Variants in PTPRC observed in about 807,000 individuals in gnomAD.
PTPRC encodes the protein receptor-type tyrosine-protein phosphatase C.
In PTPRC, 44 loss-of-function variants were observed where a neutral mutation model predicts 155.9. The observed-to-expected ratio is 0.28, with a 90% CI of 0.22 to 0.36. The LOEUF (loss-of-function observed/expected upper bound fraction) is 0.36, where lower values mean the gene tolerates loss of function less well. PTPRC is among the 10% of genes least tolerant of loss of function. PTPRC has a pLI of 1.00. For synonymous variants in PTPRC, 525 were observed against 533.1 expected (o/e 0.98, Z 0.21); for missense variants, 1,401 against 1,564.6 (o/e 0.90, Z 1.76).
intron 2 of PTPRC, among the ~76,000 whole-genome samples, chr1:198,678,886 C>T (rs1237243020): frequency 6.6e-6 from 1 of 151,888 alleles, no homozygotes; most frequent in African/African-American, 2.4e-5. Context: ...TTGATGACCC[C>T]ATCACAGTAC....
chr1:198,713,022 C>A lies in PTPRC; in HGVS notation c.1241C>A (p.Pro414His). 2 of 1,613,558 alleles carry A rather than the reference C, an allele frequency of 1.2e-6. No individual in the cohort carries two copies. The highest frequency in any genetic ancestry group is 1.7e-6 in the Non-Finnish European group (2 of 1,179,750). ...CATCAAGGAGTAATTACCTGGAATC[C>A]CCCTCAAAGATCATTTCATAATTTT... ...AAHQGVITWN[P>H]PQRSFHNFTL... The change falls in exon 12 of 33, where the codon CCC becomes CAC. Residue 414 changes from proline to histidine, a missense_variant. By Grantham distance (77) the Pro-to-His change is moderately conservative. Transcript: ENST00000442510.
intron 2 of PTPRC, among the ~76,000 whole-genome samples, chr1:198,680,905 G>A (rs1432016177): frequency 6.6e-6 from 1 of 151,948 alleles, no homozygotes. Context: ...AGTAGACCTG[G>A]GATTGAGTTT....
intron 2 of PTPRC, among the ~76,000 whole-genome samples, chr1:198,682,813 T>G (rs568230469): frequency 3.7e-4 from 56 of 152,354 alleles, no homozygotes; most frequent in Non-Finnish European, 7.5e-4. Context: ...TTCACTTTTC[T>G]TCCCATTTTT....
intron 2 of PTPRC, among the ~76,000 whole-genome samples, chr1:198,684,130 T>C (rs1444017892): frequency 6.6e-6 from 1 of 151,508 alleles, no homozygotes; most frequent in East Asian, 1.9e-4. Flanking sequence ...CCCTGACTTG[T>C]AGATAAATAG....
At chr1:198,726,237 C>A (rs372585571) in intron 15 of PTPRC, among the ~76,000 whole-genome samples, 2 of 152,130 alleles carry the variant, frequency 1.3e-5, no homozygotes, top group East Asian at 3.8e-4. Context: ...AATCTGGAAA[C>A]AATCATGCTG....
chr1:198,732,666 T>C (rs1020653230), intron 20 of PTPRC, 110 bp downstream of exon 20: 8 of 846,684 alleles, frequency 9.4e-6, no homozygotes, highest in Non-Finnish European at 1.3e-5. Flanking sequence ...TGAGCCCATA[T>C]GTCACTGATA....
intron 2 of PTPRC, among the ~76,000 whole-genome samples, chr1:198,639,932 G>C (rs1662479178): frequency 6.6e-6 from 1 of 151,916 alleles, no homozygotes; most frequent in Non-Finnish European, 1.5e-5. Context: ...TTTAAATCAA[G>C]TTTTTAGTTT....
At chr1:198,715,204 G>A (rs1653516101) in intron 12 of PTPRC, among the ~76,000 whole-genome samples, 1 of 151,928 alleles carries the variant, frequency 6.6e-6, no homozygotes, top group Non-Finnish European at 1.5e-5. Flanking sequence ...CTCACTGCAA[G>A]CTCCGCCTCC....
intron 31 of PTPRC, 86 bp downstream of exon 31, chr1:198,752,858 A>T: frequency 7.0e-7 from 1 of 1,438,254 alleles, no homozygotes; most frequent in Non-Finnish European, 9.6e-7. Context: ...TTATCCTCAT[A>T]TATGAAACAC....
chr1:198,680,115 C>T (rs1420657406), intron 2 of PTPRC: 2 of 412,392 alleles, frequency 4.8e-6, no homozygotes, highest in Non-Finnish European at 8.6e-6. Flanking sequence ...ACTCGGCAGC[C>T]TCTGAAAACT....
At chr1:198,752,890 T>C (rs1655452636) in intron 31 of PTPRC, 118 bp downstream of exon 31, 5 of 1,084,652 alleles carry the variant, frequency 4.6e-6, no homozygotes, top group Middle Eastern at 2.0e-4. Context: ...AAAAACTTCT[T>C]ATGGAGTCGG....
chr1:198,643,959 G>A (rs1301893216), intron 2 of PTPRC, among the ~76,000 whole-genome samples: 1 of 151,868 alleles, frequency 6.6e-6, no homozygotes, highest in Admixed American at 6.6e-5. Flanking sequence ...ACAGTGTGGT[G>A]ATGAATGTCA....
intron 2 of PTPRC, among the ~76,000 whole-genome samples, chr1:198,649,230 T>C (rs1276528662): frequency 3.3e-5 from 5 of 151,890 alleles, no homozygotes; most frequent in Non-Finnish European, 4.4e-5. Flanking sequence ...TAGACTTAGA[T>C]TTCCAGATAG....
In PTPRC at chr1:198,692,399, C is replaced by T. The variant is rs546110941; in HGVS notation, c.100+26C>T. The T allele has an allele frequency of 2.6e-5, 36 of 1,374,202 alleles. No individual in the cohort carries two copies. The South Asian group carries it at 6.1e-4, about 23-fold the overall frequency. The allele number at this position is 1,374,202 out of a possible 1,614,324, so 85.1% of individuals were successfully genotyped here. On this transcript the variant is annotated intron_variant, in intron 3 of 32. Coordinates refer to ENST00000442510, the MANE Select transcript of PTPRC (RefSeq NM_002838.5). The stretch of plus-strand genomic sequence containing the variant: ...GTAAGAATTAATATTTATATTTTTA[C>T]TAATTTTATTTTCTTGTTGCAAAGT...
intron 14 of PTPRC, among the ~76,000 whole-genome samples, 172 bp downstream of exon 14, chr1:198,718,474 A>G (rs1653712924): frequency 6.6e-6 from 1 of 152,250 alleles, no homozygotes; most frequent in South Asian, 2.1e-4. Context: ...TTATTCCTAT[A>G]GCTCAAGTCA....
chr1:198,716,595 C>T, intron 12 of PTPRC, 87 bp from the exon 13 acceptor site: 1 of 1,186,406 alleles, frequency 8.4e-7, no homozygotes, highest in South Asian at 1.3e-5. Context: ...TCACTTGGAA[C>T]AATGTGATGT....
Position 198,716,777 on chromosome 1 carries a change from A to G in PTPRC, c.1387A>G (p.Ile463Val), listed in dbSNP as rs1458336940. ...ATATGTTTTATCATTACATGCCTAC[A>G]TCATTGCAAAAGTGCAACGTAATGG... The part of the protein sequence containing the change: ...TKYVLSLHAY[I>V]IAKVQRNGSA... The change falls in exon 13 of 33, where the codon ATC becomes GTC. Residue 463 changes from isoleucine to valine, a missense_variant. By Grantham distance (29) the Ile-to-Val change is conservative. This residue lies in a region of PTPRC where 867 missense variants were observed against 970.4 expected (regional missense o/e 0.89). Transcript: ENST00000442510. 2 of 1,613,566 alleles carry G rather than the reference A, an allele frequency of 1.2e-6. No homozygotes were observed. Among genetic ancestry groups the G allele is most frequent in the Non-Finnish European group, 8.5e-7 (1 of 1,179,908 alleles).
At chr1:198,703,666 C>T in intron 7 of PTPRC, 1 of 478,034 alleles carries the variant, frequency 2.1e-6, no homozygotes, top group Non-Finnish European at 3.8e-6. Flanking sequence ...AGGAAAAGAA[C>T]AAGCCCATCA....
intron 2 of PTPRC, among the ~76,000 whole-genome samples, chr1:198,691,014 G>A (rs2182419): frequency 0.1 from 15,592 of 151,916 alleles, 976 homozygotes; most frequent in East Asian, 0.19. Flanking sequence ...TTTCCTTCTC[G>A]AAACACCCTC....
Sources: allele counts gnomAD v4.1 joint callset (sites outside exome capture counted in the v4.1 genomes callset), GRCh38; gene constraint gnomAD v4.1.1; regional missense constraint gnomAD v4.1.1; transcripts MANE v1.5; gene names NCBI Gene and HGNC (gene_info 2026-07-23, HGNC 2026-07-21).